Variants in SPRED1 observed in about 807,000 individuals in gnomAD.
The protein encoded by SPRED1 is sprouty-related, EVH1 domain-containing protein 1.
In SPRED1, 18 loss-of-function variants were observed where a neutral mutation model predicts 52.3. The ratio of observed to expected loss-of-function variants is 0.34; its 90% CI spans 0.24 to 0.51. The LOEUF is 0.51. Among genes scored for constraint, SPRED1 ranks in the 20% least tolerant of loss-of-function variants. The pLI, the probability that SPRED1 is intolerant of heterozygous loss-of-function variation, is 0.97. For missense variants in SPRED1, 485 were observed against 551.0 expected, an observed-to-expected ratio of 0.88 and a Z score of 1.20; for synonymous variants, 155 against 179.7, an observed-to-expected ratio of 0.86 and a Z score of 1.10.
At chr15:38,312,435 G>A (rs7161758) in intron 2 of SPRED1, among the ~76,000 whole-genome samples, 99,195 of 151,920 alleles carry the variant, frequency 0.65, 33,589 homozygotes, top group Non-Finnish European at 0.75. Context: ...TTTTTAGTGT[G>A]CCTACCAGGA....
intron 5 of SPRED1, among the ~76,000 whole-genome samples, chr15:38,341,019 G>A (rs1896019726): frequency 9.1e-6 from 1 of 110,408 alleles, no homozygotes; most frequent in Admixed American, 1.0e-4. Flanking sequence ...TTTTTAGATG[G>A]TTTTGAATTA....
At chr15:38,318,874 A>G (rs1015088791) in intron 2 of SPRED1, among the ~76,000 whole-genome samples, 1 of 152,124 alleles carries the variant, frequency 6.6e-6, no homozygotes, top group Non-Finnish European at 1.5e-5. Flanking sequence ...GGTTGATTCC[A>G]TGTCTTTGCT....
At chr15:38,277,241 C>T (rs1156895904) in intron 1 of SPRED1, among the ~76,000 whole-genome samples, 1 of 152,080 alleles carries the variant, frequency 6.6e-6, no homozygotes, top group African/African-American at 2.4e-5. Flanking sequence ...AAGCATAATA[C>T]TCAATAGGTG....
At chr15:38,273,089 A>G (rs1336170077) in intron 1 of SPRED1, among the ~76,000 whole-genome samples, 1 of 152,106 alleles carries the variant, frequency 6.6e-6, no homozygotes, top group Admixed American at 6.6e-5. Flanking sequence ...TTAGTCGTAA[A>G]TTCTTCTCCA....
chr15:38,295,363 T>C (rs1406098175), intron 1 of SPRED1, among the ~76,000 whole-genome samples: 2 of 152,198 alleles, frequency 1.3e-5, no homozygotes, highest in East Asian at 3.8e-4. Context: ...GGCCACAGGT[T>C]GGACAGGCTT....
chr15:38,347,535 CTGA>C (rs1197796085), intron 5 of SPRED1, among the ~76,000 whole-genome samples: 3 of 131,430 alleles, frequency 2.3e-5, no homozygotes, highest in African/African-American at 8.8e-5. Flanking sequence ...CTTGTCAAAT[CTGA>C]TGAAGAATCC....
intron 1 of SPRED1, among the ~76,000 whole-genome samples, chr15:38,280,207 A>C (rs1894657260): frequency 6.6e-6 from 1 of 152,224 alleles, no homozygotes; most frequent in Non-Finnish European, 1.5e-5. Context: ...TGATTCTTAA[A>C]GTGTAGGTAA....
At chr15:38,328,173 T>C (rs1895743196) in intron 4 of SPRED1, among the ~76,000 whole-genome samples, 2 of 152,352 alleles carry the variant, frequency 1.3e-5, no homozygotes, top group Admixed American at 1.3e-4. Flanking sequence ...TTTACTTCAT[T>C]GGCAATTGTT....
chr15:38,356,972 G>A lies in SPRED1; in HGVS notation c.*5308G>A, dbSNP rs968972516. The A allele has an allele frequency of 6.6e-6, 1 of 152,068 alleles. No homozygotes were observed. Among genetic ancestry groups the A allele is most frequent in the African/African-American group, 2.4e-5 (1 of 41,440 alleles). The allele number at this position is 152,068 out of a possible 1,614,324, so 9.4% of individuals were successfully genotyped here. On this transcript the variant is annotated 3_prime_UTR_variant, in exon 7 of 7. Coordinates refer to ENST00000299084, the MANE Select transcript of SPRED1 (RefSeq NM_152594.3). Reference sequence around the variant, plus strand: ...TGTAGTCTCATGTGCTTATTTACAGGTTTTTCAGAATTTGCTTTACATTCT... The same window carrying A: ...TGTAGTCTCATGTGCTTATTTACAGATTTTTCAGAATTTGCTTTACATTCT...
At chr15:38,312,867 C>G (rs564471036) in intron 2 of SPRED1, among the ~76,000 whole-genome samples, 11 of 151,246 alleles carry the variant, frequency 7.3e-5, no homozygotes, top group Non-Finnish European at 1.5e-4. Context: ...TTTATTTGTA[C>G]TTTTTCTTTT....
chr15:38,337,224 A>G (rs1209184959), intron 4 of SPRED1, among the ~76,000 whole-genome samples: 1 of 152,206 alleles, frequency 6.6e-6, no homozygotes, highest in Non-Finnish European at 1.5e-5. Context: ...AAACCTGTAA[A>G]TTTAATATGC....
chr15:38,253,141 T>A lies in SPRED1; in HGVS notation c.-45T>A. The A allele has an allele frequency of 6.4e-7, 1 of 1,557,910 alleles. No individual in the cohort carries two copies. The highest frequency in any genetic ancestry group is 8.7e-7 in the Non-Finnish European group (1 of 1,149,546). On this transcript the variant is annotated 5_prime_UTR_variant, in exon 1 of 7. Transcript: ENST00000299084. Reference sequence around the variant, plus strand: ...TCGGTGCTGCTGTTGCTCCCCCGCCTGCTGTTGCTCCTCCATCTCCAGATC... The same window carrying A: ...TCGGTGCTGCTGTTGCTCCCCCGCCAGCTGTTGCTCCTCCATCTCCAGATC...
intron 1 of SPRED1, among the ~76,000 whole-genome samples, chr15:38,283,040 A>G (rs1894724543): frequency 6.6e-6 from 1 of 152,202 alleles, no homozygotes; most frequent in East Asian, 1.9e-4. Flanking sequence ...ACACTGCTAT[A>G]AAGAATACTA....
intron 1 of SPRED1, among the ~76,000 whole-genome samples, chr15:38,257,296 T>G (rs1894117632): frequency 6.6e-6 from 1 of 152,180 alleles, no homozygotes; most frequent in Admixed American, 6.5e-5. Context: ...CCTAGCACAG[T>G]GCTTGATGGC....
intron 4 of SPRED1, among the ~76,000 whole-genome samples, chr15:38,331,132 C>T (rs947132636): frequency 6.6e-6 from 1 of 151,816 alleles, no homozygotes; most frequent in African/African-American, 2.4e-5. Flanking sequence ...GAGAATAATT[C>T]TTACACCAGC....
intron 1 of SPRED1, among the ~76,000 whole-genome samples, chr15:38,257,649 A>C (rs573593169): frequency 6.6e-6 from 1 of 152,168 alleles, no homozygotes; most frequent in African/African-American, 2.4e-5. Context: ...GAAGGTAGAC[A>C]TTTGTGTGTC....
chr15:38,310,153 G>GTGTGTGTTTT lies in SPRED1; in HGVS notation c.207+10607_207+10608insGTGTGTTTTT, dbSNP rs373463622. 5.7e-3 allele frequency among the ~76,000 whole-genome samples: 751 copies of GTGTGTGTTTT among 132,262 alleles called. 5 individuals carry two copies. The highest frequency in any genetic ancestry group is 0.016 in the African/African-American group (563 of 35,376). 86.8% of individuals were successfully genotyped at this position (132,262 alleles called of 152,430 possible). ...TGTGTGTGTGTGTGTGTGTGTGTGTGTTTGGAGACGAAGTTTCGCTCTTGT... is the reference window on the plus strand; with the variant it reads ...TGTGTGTGTGTGTGTGTGTGTGTGTGTGTGTGTTTTTTTGGAGACGAAGTTTCGCTCTTGT... On this transcript the variant is annotated intron_variant, in intron 2 of 6. Coordinates refer to ENST00000299084, the MANE Select transcript of SPRED1 (RefSeq NM_152594.3).
At chr15:38,325,231 A>AT (rs1359085166) in intron 4 of SPRED1, among the ~76,000 whole-genome samples, 1 of 152,160 alleles carries the variant, frequency 6.6e-6, no homozygotes, top group South Asian at 2.1e-4. Flanking sequence ...TGCAGTCAGA[A>AT]TTTTGTTTCA....
intron 1 of SPRED1, among the ~76,000 whole-genome samples, chr15:38,266,026 A>C (rs1207117664): frequency 6.6e-6 from 1 of 152,200 alleles, no homozygotes; most frequent in Non-Finnish European, 1.5e-5. Flanking sequence ...CTGTATGCTC[A>C]TGTTTAGTTA....
Sources: gnomAD v4.1 joint callset for allele counts (sites outside exome capture counted in the v4.1 genomes callset) on GRCh38, gnomAD v4.1.1 for gene constraint, MANE v1.5 for transcripts, NCBI Gene and HGNC (gene_info 2026-07-23, HGNC 2026-07-21) for gene names.